LGI2: variants seen among roughly 807,000 people sequenced by gnomAD.
The protein encoded by LGI2 is leucine rich repeat LGI family member 2.
LGI2 carries 30 observed loss-of-function variants against 52.0 expected under a neutral mutation model. The ratio of observed to expected loss-of-function variants is 0.58; its 90% confidence interval spans 0.43 to 0.78. The LOEUF (loss-of-function observed/expected upper bound fraction) is 0.78, where lower values mean the gene tolerates loss of function less well. Among genes scored for constraint, LGI2 ranks in the 30% least tolerant of loss-of-function variants. The pLI is 0.00. For missense variants in LGI2, 573 were observed against 692.5 expected, an observed-to-expected ratio of 0.83 and a Z score of 1.94; for synonymous variants, 270 against 271.8, an observed-to-expected ratio of 0.99 and a Z score of 0.06.
intron 6 of LGI2, among the ~76,000 whole-genome samples, chr4:25,014,830 CAAAAAAA>C (rs60168915): frequency 0.022 from 1,901 of 85,774 alleles, 39 homozygotes; most frequent in African/African-American, 0.076. Flanking sequence ...GACCTTGTCT[CAAAAAAA>C]AAAAAAAAAA....
intron 3 of LGI2, among the ~76,000 whole-genome samples, chr4:25,026,555 T>A (rs573122504): frequency 9.2e-5 from 14 of 152,250 alleles, no homozygotes; most frequent in African/African-American, 3.4e-4. Flanking sequence ...TCCATGCCTA[T>A]TTATGAGAGG....
Position 25,012,318 on chromosome 4 carries a change from T to C in LGI2, c.820+17A>G. The C allele has an allele frequency of 5.6e-6, 9 of 1,613,830 alleles. No homozygotes were observed. Among genetic ancestry groups the C allele is most frequent in the Non-Finnish European group, 7.6e-6 (9 of 1,179,718 alleles). ...GCTGAAATTAGTTCAACACATCTGA[T>C]CAAAGCCACAACACACCTGTAATGT... On this transcript the variant is annotated intron_variant, in intron 7 of 7. Transcript: ENST00000382114.
chr4:25,029,884 G>A (rs752413493), intron 1 of LGI2, among the ~76,000 whole-genome samples: 1 of 152,198 alleles, frequency 6.6e-6, no homozygotes, highest in Non-Finnish European at 1.5e-5. Context: ...GCCACGGGGG[G>A]CGGCCCCTCC....
intron 7 of LGI2, among the ~76,000 whole-genome samples, chr4:25,009,353 C>T (rs530079952): frequency 6.6e-6 from 1 of 152,166 alleles, no homozygotes; most frequent in Non-Finnish European, 1.5e-5. Flanking sequence ...CTCTTCCCCC[C>T]TCTCCATGCG....
At chr4:24,995,679 A>G (rs1020134714), downstream of LGI2, among the ~76,000 whole-genome samples, 4 of 152,206 alleles carry the variant, frequency 2.6e-5, no homozygotes, top group African/African-American at 9.7e-5. Flanking sequence ...CCTTAGAAGC[A>G]AGTCCCTAAG....
downstream of LGI2, among the ~76,000 whole-genome samples, chr4:24,994,794 A>T (rs1725012427): frequency 6.6e-6 from 1 of 152,148 alleles, no homozygotes; most frequent in Admixed American, 6.5e-5. Context: ...GGGGCTTGTG[A>T]CAGGGCCATC....
rs1375414972 is a variant in LGI2, at chr4:25,003,305, G to C, written c.*146C>G. 1 of 603,584 alleles carries C rather than the reference G, an allele frequency of 1.7e-6. No individual in the cohort carries two copies. Among genetic ancestry groups the C allele is most frequent in the African/African-American group, 1.9e-5 (1 of 52,812 alleles). The allele number at this position is 603,584 out of a possible 1,614,324, so 37.4% of individuals were successfully genotyped here. On this transcript the variant is annotated 3_prime_UTR_variant, in exon 8 of 8. Transcript: ENST00000382114. Reference sequence around the variant, plus strand: ...AATGCAATCCCTGATTAAAATGTGAGTTCTAAAAGTTTGAAAACATCTAAC... The same window carrying C: ...AATGCAATCCCTGATTAAAATGTGACTTCTAAAAGTTTGAAAACATCTAAC...
At chr4:25,007,357 C>G (rs1177811538) in intron 7 of LGI2, among the ~76,000 whole-genome samples, 4 of 152,192 alleles carry the variant, frequency 2.6e-5, no homozygotes, top group Non-Finnish European at 1.5e-5. Flanking sequence ...AGCTGCTCTT[C>G]AAAAGCGGCA....
At chr4:25,023,089 A>ATGATGATGATGG (rs1726028389) in intron 4 of LGI2, among the ~76,000 whole-genome samples, 1 of 151,300 alleles carries the variant, frequency 6.6e-6, no homozygotes, top group Non-Finnish European at 1.5e-5. Context: ...GATGATGATG[A>ATGATGATGATGG]TGATGATGCC....
chr4:24,998,269 G>A (rs990094695), downstream of LGI2, among the ~76,000 whole-genome samples: 1 of 152,124 alleles, frequency 6.6e-6, no homozygotes, highest in Non-Finnish European at 1.5e-5. Context: ...GTCTCTTGAG[G>A]GCAAGAACTC....
intron 4 of LGI2, among the ~76,000 whole-genome samples, chr4:25,021,823 C>T (rs1009485130): frequency 6.7e-6 from 1 of 150,108 alleles, no homozygotes; most frequent in African/African-American, 2.5e-5. Flanking sequence ...CCCAGCTACT[C>T]AAGAGGCTGA....
intron 4 of LGI2, among the ~76,000 whole-genome samples, chr4:25,021,872 A>G (rs1725972588): frequency 6.8e-6 from 1 of 146,260 alleles, no homozygotes; most frequent in African/African-American, 2.5e-5. Context: ...CTGAGGTTGC[A>G]GTGAGCCAAG....
intron 7 of LGI2, among the ~76,000 whole-genome samples, chr4:25,009,086 C>T (rs1279952164): frequency 6.6e-6 from 1 of 152,216 alleles, no homozygotes; most frequent in Non-Finnish European, 1.5e-5. Flanking sequence ...ACAATCCAGC[C>T]TCTTAGCCAG....
intron 7 of LGI2, among the ~76,000 whole-genome samples, chr4:25,009,357 C>T (rs1725499635): frequency 6.6e-6 from 1 of 152,156 alleles, no homozygotes; most frequent in East Asian, 1.9e-4. Flanking sequence ...TCCCCCCTCT[C>T]CATGCGAACC....
At chr4:25,030,304 C>G (rs1449176899) in intron 1 of LGI2, among the ~76,000 whole-genome samples, 193 bp downstream of exon 1, 1 of 152,198 alleles carries the variant, frequency 6.6e-6, no homozygotes, top group Non-Finnish European at 1.5e-5. Flanking sequence ...TCTGGGTTCC[C>G]AGATTCTGGG....
At chr4:25,012,649 A>G in intron 6 of LGI2, 150 bp from the exon 7 acceptor site, 1 of 775,776 alleles carries the variant, frequency 1.3e-6, no homozygotes. Context: ...ATCACAGCGT[A>G]TTTTACTCTG....
intron 5 of LGI2, among the ~76,000 whole-genome samples, chr4:25,018,466 T>G (rs781238708): frequency 6.6e-6 from 1 of 152,206 alleles, no homozygotes; most frequent in African/African-American, 2.4e-5. Context: ...GGGAGACATA[T>G]GATAGAAGAG....
At chr4:25,028,847 C>G (rs2109428634) in intron 1 of LGI2, among the ~76,000 whole-genome samples, 1 of 152,336 alleles carries the variant, frequency 6.6e-6, no homozygotes, top group Non-Finnish European at 1.5e-5. Flanking sequence ...CAGTTTAAAT[C>G]AATCCCTTCA....
At chr4:25,018,483 C>G (rs1725844546) in intron 5 of LGI2, among the ~76,000 whole-genome samples, 1 of 152,164 alleles carries the variant, frequency 6.6e-6, no homozygotes, top group Admixed American at 6.5e-5. Flanking sequence ...AGAGCAGCCC[C>G]CAACAGAGGT....
Sources: gnomAD v4.1 joint callset for allele counts (sites outside exome capture counted in the v4.1 genomes callset) on GRCh38, gnomAD v4.1.1 for gene constraint, MANE v1.5 for transcripts, NCBI Gene and HGNC (gene_info 2026-07-23, HGNC 2026-07-21) for gene names.